Variants in RPE observed in about 807,000 individuals in gnomAD.
The protein encoded by RPE is ribulose-5-phosphate-3-epimerase.
Under a neutral mutation model 24.6 loss-of-function variants are expected in RPE, and 16 were observed. The observed-to-expected ratio is 0.65, with a 90% CI of 0.44 to 0.99. The LOEUF (loss-of-function observed/expected upper bound fraction) is 0.99, where lower values mean the gene tolerates loss of function less well. RPE is among the 50% of genes least tolerant of loss of function. RPE has a pLI of 0.00. For missense variants in RPE, 240 were observed against 294.5 expected (o/e 0.81, Z 1.35); for synonymous variants, 93 against 98.4 (o/e 0.94, Z 0.33).
At chr2:210,009,591 C>G (rs1329942988) in intron 1 of RPE, 66 bp from the exon 2 acceptor site, 5 of 1,592,300 alleles carry the variant, frequency 3.1e-6, no homozygotes, top group African/African-American at 1.3e-5. Context: ...TGTCAGAATT[C>G]ATATTGAGAG....
rs1325029834 is a variant in RPE, at chr2:210,021,925, C to CAAAG, written c.*2137_*2140dup. On this transcript the variant is annotated 3_prime_UTR_variant, in exon 6 of 6. Coordinates refer to ENST00000359429, the MANE Select transcript of RPE (RefSeq NM_199229.3). ...TTTATTTGAATAGAGTAAGCTATGG[C>CAAAG]AAAGAATGACCAAATTAGCTAGAAA... 1 of 149,506 alleles carries CAAAG rather than the reference C, an allele frequency of 6.7e-6. No homozygotes were observed. The highest frequency in any genetic ancestry group is 1.5e-5 in the Non-Finnish European group (1 of 67,466). 9.3% of individuals were successfully genotyped at this position (149,506 alleles called of 1,614,324 possible).
intron 4 of RPE, among the ~76,000 whole-genome samples, 183 bp downstream of exon 4, chr2:210,016,824 A>G (rs980279058): frequency 6.6e-6 from 1 of 152,158 alleles, no homozygotes; most frequent in South Asian, 2.1e-4. Context: ...GAAATCAGAG[A>G]AGTATTACAT....
Position 210,015,965 on chromosome 2 carries a change from C to A in RPE, c.203-8C>A, listed in dbSNP as rs199769075. 15 of 1,611,830 alleles carry A rather than the reference C, an allele frequency of 9.3e-6. No individual in the cohort carries two copies. In the East Asian group the frequency reaches 2.7e-4, roughly 29 times the overall value. ...TCAGTAATATTTTGAAGTGTCTTTT[C>A]TTTCTAGACATGCACATGATGGTGT... On this transcript the variant is annotated splice_region_variant and splice_polypyrimidine_tract_variant and intron_variant, in intron 2 of 5. Coordinates refer to ENST00000359429, the MANE Select transcript of RPE (RefSeq NM_199229.3).
chr2:210,002,737 A>C lies in RPE; in HGVS notation c.76A>C (p.Met26Leu), dbSNP rs755537040. The change falls in exon 1 of 6, where the codon ATG becomes CTG. Residue 26 changes from methionine to leucine, a missense_variant. By Grantham distance (15) the Met-to-Leu change is conservative. Coordinates refer to ENST00000359429, the MANE Select transcript of RPE (RefSeq NM_199229.3). ...CAATTTAGGGGCCGAGTGCCTCCGG[A>C]TGCTAGACTCTGGGGCCGATTATCT... ...LANLGAECLR[M>L]LDSGADYLHL... 6.2e-7 allele frequency: 1 copy of C among 1,614,084 alleles called. No individual in the cohort carries two copies. The highest frequency in any genetic ancestry group is 8.5e-7 in the Non-Finnish European group (1 of 1,180,004).
chr2:210,018,464 G>C, intron 5 of RPE: 1 of 984,610 alleles, frequency 1.0e-6, no homozygotes, highest in Non-Finnish European at 1.2e-6. Flanking sequence ...CCTTCTGGTA[G>C]CACTGCAAGT....
intron 1 of RPE, among the ~76,000 whole-genome samples, 173 bp downstream of exon 1, chr2:210,002,956 C>T: frequency 6.6e-6 from 1 of 152,104 alleles, no homozygotes. Context: ...GGAGCAGAAC[C>T]GACGCGGTAT....
intron 2 of RPE, among the ~76,000 whole-genome samples, chr2:210,010,823 C>T (rs149996685): frequency 0.028 from 4,288 of 152,146 alleles, 98 homozygotes; most frequent in Non-Finnish European, 0.042. Context: ...GAGGCTGAGG[C>T]ATGAGAATCA....
At chr2:210,014,921 G>GC (rs1236616518) in intron 2 of RPE, among the ~76,000 whole-genome samples, 1 of 152,014 alleles carries the variant, frequency 6.6e-6, no homozygotes, top group African/African-American at 2.4e-5. Context: ...GTTTTAAGCT[G>GC]CCCTCTCCTT....
intron 2 of RPE, among the ~76,000 whole-genome samples, chr2:210,011,485 GCCTTT>G (rs1224407308): frequency 2.6e-5 from 4 of 151,986 alleles, no homozygotes; most frequent in African/African-American, 9.7e-5. Context: ...TCCTGTCAGT[GCCTTT>G]CCTTTTAGCA....
At chr2:210,017,648 G>A (rs2093792626) in intron 5 of RPE, 89 bp downstream of exon 5, 1 of 1,231,940 alleles carries the variant, frequency 8.1e-7, no homozygotes, top group Non-Finnish European at 1.2e-6. Context: ...TTCCCTCTGT[G>A]GTTCCTAAGT....
intron 5 of RPE, chr2:210,017,907 G>A (rs1412696785): frequency 3.7e-6 from 2 of 535,970 alleles, no homozygotes; most frequent in East Asian, 3.6e-5. Flanking sequence ...ACCATGCTTG[G>A]CTAATTTTTT....
At chr2:210,006,991 G>GT (rs991681684) in intron 1 of RPE, among the ~76,000 whole-genome samples, 7 of 152,090 alleles carry the variant, frequency 4.6e-5, no homozygotes, top group Non-Finnish European at 8.8e-5. Flanking sequence ...CCCCTTGTTT[G>GT]TTTCGTTTGT....
chr2:210,010,709 T>G (rs2093688421), intron 2 of RPE, among the ~76,000 whole-genome samples: 1 of 152,106 alleles, frequency 6.6e-6, no homozygotes, highest in Admixed American at 6.5e-5. Flanking sequence ...TAAATAAACT[T>G]AAGTTCATGA....
intron 1 of RPE, chr2:210,003,476 A>AT (rs2093590590): frequency 1.6e-6 from 2 of 1,285,014 alleles, no homozygotes; most frequent in African/African-American, 3.0e-5. Flanking sequence ...TTTGTAAGTA[A>AT]TTTTTAAGCA....
At chr2:210,009,545 A>G in intron 1 of RPE, 112 bp from the exon 2 acceptor site, 2 of 1,427,776 alleles carry the variant, frequency 1.4e-6, no homozygotes, top group Non-Finnish European at 2.0e-6. Context: ...ATTAAGTATT[A>G]AATTGAAAAA....
intron 1 of RPE, among the ~76,000 whole-genome samples, chr2:210,006,743 C>T (rs1353605773): frequency 6.6e-6 from 1 of 152,204 alleles, no homozygotes; most frequent in Non-Finnish European, 1.5e-5. Context: ...GGCCTTACTG[C>T]CTGCTTCTGT....
intron 5 of RPE, chr2:210,017,990 C>G (rs1262009789): frequency 2.9e-6 from 2 of 683,786 alleles, no homozygotes; most frequent in Non-Finnish European, 4.7e-6. Flanking sequence ...AGTGACCTGC[C>G]TGCCTCGGCC....
chr2:210,017,257 A>G (rs1028429185), intron 4 of RPE, among the ~76,000 whole-genome samples: 3 of 152,246 alleles, frequency 2.0e-5, no homozygotes, highest in African/African-American at 7.2e-5. Context: ...CTGCAAAGAC[A>G]ATACAGATTG....
rs1016263081 is a variant in RPE, at chr2:210,020,251, G to A, written c.*460G>A. 6.0e-6 allele frequency: 1 copy of A among 167,358 alleles called. No individual in the cohort carries two copies. Among genetic ancestry groups the A allele is most frequent in the Non-Finnish European group, 1.5e-5 (1 of 68,498 alleles). 10.4% of individuals were successfully genotyped at this position (167,358 alleles called of 1,614,324 possible). A position where few individuals can be genotyped will look rare whatever the true frequency, so the allele number is the denominator to read the frequency against. On this transcript the variant is annotated 3_prime_UTR_variant, in exon 6 of 6. Transcript: ENST00000359429. The stretch of plus-strand genomic sequence containing the variant: ...TGATTTGTTTATAAGTTTGGGTGGG[G>A]TGCATACCATATTCTTGGTTCTTAA...
Sources: gnomAD v4.1 joint callset for allele counts (sites outside exome capture counted in the v4.1 genomes callset) on GRCh38, gnomAD v4.1.1 for gene constraint, MANE v1.5 for transcripts, NCBI Gene and HGNC (gene_info 2026-07-23, HGNC 2026-07-21) for gene names.